Variants in E2F8 observed in about 807,000 individuals in gnomAD.
E2F8 encodes the protein transcription factor E2F8.
In E2F8, 35 loss-of-function variants were observed where a neutral mutation model predicts 80.8. The observed-to-expected ratio is 0.43, with a 90% CI of 0.33 to 0.57. E2F8 has a LOEUF of 0.57. Among genes scored for constraint, E2F8 ranks in the 20% least tolerant of loss-of-function variants. E2F8 has a pLI of 0.04. For missense variants in E2F8, 975 were observed against 1,056.2 expected (o/e 0.92, Z 1.07); for synonymous variants, 386 against 395.0 (o/e 0.98, Z 0.27).
intron 4 of E2F8, among the ~76,000 whole-genome samples, chr11:19,235,302 A>C (rs1276409221): frequency 6.6e-6 from 1 of 152,230 alleles, no homozygotes; most frequent in Non-Finnish European, 1.5e-5. Context: ...ACACAGCTTT[A>C]GGAAGTTTTC....
intron 7 of E2F8, among the ~76,000 whole-genome samples, chr11:19,231,854 T>C (rs1851391631): frequency 6.6e-6 from 1 of 152,220 alleles, no homozygotes; most frequent in Non-Finnish European, 1.5e-5. Flanking sequence ...TCTTGAATCA[T>C]CTTTTCAATC....
chr11:19,235,370 C>T (rs11025066), intron 4 of E2F8, among the ~76,000 whole-genome samples: 129,303 of 152,262 alleles, frequency 0.85, 56,418 homozygotes, highest in East Asian at 1. Flanking sequence ...TGAGAAAGGC[C>T]GGGTGCGGTG....
At position 19,227,386 on chromosome 11, in the gene E2F8, C is replaced by T. The variant is rs190556072; in HGVS notation, c.1894-1522G>A. The stretch of plus-strand genomic sequence containing the variant: ...GCGCTCTATTAGCTTTAGTTATATT[C>T]TCTCATGGTACAAATTATTCTGACT... On this transcript the variant is annotated intron_variant, in intron 10 of 12. Transcript: ENST00000250024. Among the ~76,000 whole-genome samples, 80 of 152,258 alleles carry T rather than the reference C, an allele frequency of 5.3e-4. 1 individual carries two copies. The highest frequency in any genetic ancestry group is 1.6e-3 in the Admixed American group (24 of 15,296).
rs764777969 is a variant in E2F8 at position 19,234,559 on chromosome 11, T to C, written c.767-38A>G. The C allele has an allele frequency of 1.1e-5, 17 of 1,603,798 alleles. No homozygotes were observed. In the East Asian group the frequency reaches 3.8e-4, roughly 36 times the overall value. ...ATGAGGATTAGAGAATTAAAATTCA[T>C]AAAGGGACAAGTGACTTCTAAAGTA... is the stretch of plus-strand genomic sequence containing the variant. On this transcript the variant is annotated intron_variant, in intron 5 of 12. Transcript: ENST00000250024.
intron 4 of E2F8, among the ~76,000 whole-genome samples, chr11:19,236,465 CCT>C (rs1188152776): frequency 2.6e-5 from 4 of 152,110 alleles, no homozygotes; most frequent in African/African-American, 9.7e-5. Flanking sequence ...GAGATTTTGC[CCT>C]TTTTGTTTAC....
At position 19,229,926 on chromosome 11, in the gene E2F8, G is replaced by A. The variant is rs772889714; in HGVS notation, c.1421C>T (p.Pro474Leu). 4 of 1,614,046 alleles carry A rather than the reference G, an allele frequency of 2.5e-6. No homozygotes were observed. The highest frequency in any genetic ancestry group is 3.4e-6 in the Non-Finnish European group (4 of 1,180,002). ...ARSGPCKPVA[P>L]LDPPVNAEME... ...CTCAGCATTCACTGGGGGGTCCAGA[G>A]GGGCTACTGGTTTGCAGGGTCCAGA... The change falls in exon 10 of 13, where the codon CCT becomes CTT. Residue 474 changes from proline to leucine, a missense_variant. Transcript: ENST00000250024. This position sits in a 1 kb window ranked among gnomAD's most constrained non-coding sequence, Gnocchi z 4.3.
At chr11:19,236,273 G>A (rs1036550663) in intron 4 of E2F8, among the ~76,000 whole-genome samples, 6 of 152,110 alleles carry the variant, frequency 3.9e-5, no homozygotes, top group African/African-American at 4.8e-5. Flanking sequence ...CCTTCTCAAC[G>A]AAGCCTGATC....
At chr11:19,226,544 C>A (rs1851241473) in intron 10 of E2F8, among the ~76,000 whole-genome samples, 1 of 152,220 alleles carries the variant, frequency 6.6e-6, no homozygotes, top group Non-Finnish European at 1.5e-5. Context: ...GGGGGCTAAA[C>A]TATTGGCCAT....
Position 19,237,430 on chromosome 11 carries a change from C to G in E2F8, c.335G>C (p.Ser112Thr). Residue 112 changes from serine (S) to threonine (T), a missense_variant, in exon 4 of 13, where the codon AGT becomes ACT. Physicochemically the swap from Ser to Thr is moderately conservative, Grantham distance 58. Coordinates refer to ENST00000250024, the MANE Select transcript of E2F8 (RefSeq NM_024680.4). ...TAATCCTAAACTTTTCTCTTTTCGA[C>G]TTGGTTGGGATTTCTCAAATTCATC... ...SGDEFEKSQP[S>T]RKEKSLGLLC... 4 of 1,614,090 alleles carry G rather than the reference C, an allele frequency of 2.5e-6. No individual in the cohort carries two copies. The highest frequency in any genetic ancestry group is 3.4e-6 in the Non-Finnish European group (4 of 1,179,984).
At chr11:19,228,156 C>T (rs1851283874) in intron 10 of E2F8, among the ~76,000 whole-genome samples, 1 of 152,136 alleles carries the variant, frequency 6.6e-6, no homozygotes, top group Admixed American at 6.5e-5. Flanking sequence ...AATCTATCCA[C>T]TGAAAATCCT....
chr11:19,238,177 T>A, intron 2 of E2F8, 45 bp from the exon 3 acceptor site: 1 of 1,549,422 alleles, frequency 6.5e-7, no homozygotes. Flanking sequence ...TAAAACAGGA[T>A]TTATCAGACA....
At chr11:19,236,560 T>C (rs1851524150) in intron 4 of E2F8, among the ~76,000 whole-genome samples, 1 of 152,224 alleles carries the variant, frequency 6.6e-6, no homozygotes, top group Non-Finnish European at 1.5e-5. Context: ...CCTACCCAGC[T>C]ACCATTAAGC....
Position 19,224,710 on chromosome 11 carries a change from G to T in E2F8, c.2552C>A (p.Thr851Asn). 1 of 1,614,210 alleles carries T rather than the reference G, an allele frequency of 6.2e-7. No individual in the cohort carries two copies. Among genetic ancestry groups the T allele is most frequent in the South Asian group, 1.1e-5 (1 of 91,084 alleles). ...FEGANKTSLG[T>N]LFVPQRKLEV... ...CAGTTTTCGCTGTGGGACAAAGAGA[G>T]TTCCTAAGGAGGTTTTATTAGCACC... The change falls in exon 13 of 13, where the codon ACT (threonine) becomes AAT (asparagine). Residue 851 changes from threonine (T) to asparagine (N), a missense_variant. Coordinates refer to ENST00000250024, the MANE Select transcript of E2F8 (RefSeq NM_024680.4).
chr11:19,231,660 G>A (rs1851386650), intron 7 of E2F8, among the ~76,000 whole-genome samples: 1 of 152,134 alleles, frequency 6.6e-6, no homozygotes, highest in Admixed American at 6.5e-5. Context: ...TATTCTCAAT[G>A]GGCACAGGTT....
chr11:19,225,387 G>C lies in E2F8; in HGVS notation c.2255C>G (p.Ala752Gly), dbSNP rs200748036. The change falls in exon 12 of 13, where the codon GCC (alanine) becomes GGC (glycine). Residue 752 changes from alanine to glycine, a missense_variant. By Grantham distance (60) the Ala-to-Gly change is moderately conservative. Transcript: ENST00000250024. The stretch of plus-strand genomic sequence containing the variant: ...AGGAACGATTCCAGACCCAGGGCTG[G>C]CAGACAACTGCACATTGGGTGAGAT... ...GLISPNVQLS[A>G]SPGSGIVPVS... 9 of 1,614,056 alleles carry C rather than the reference G, an allele frequency of 5.6e-6. No individual in the cohort carries two copies. The African/African-American group carries it at 1.1e-4, about 19-fold the overall frequency.
At chr11:19,241,448 C>T (rs1030996415), upstream of E2F8, 1 of 152,976 alleles carries the variant, frequency 6.5e-6, no homozygotes, top group Non-Finnish European at 1.5e-5. This position sits in a 1 kb window ranked among gnomAD's most constrained non-coding sequence, Gnocchi z 4.5. Context: ...GGGGCTGAGC[C>T]GGGACTCGTC....
intron 12 of E2F8, 52 bp downstream of exon 12, chr11:19,225,169 C>A (rs540227268): frequency 6.3e-7 from 1 of 1,575,886 alleles, no homozygotes; most frequent in Non-Finnish European, 8.6e-7. Context: ...GACACAGATA[C>A]TTGGGGCTTA....
intron 9 of E2F8, 105 bp downstream of exon 9, chr11:19,230,136 G>A (rs1397027693): frequency 2.7e-6 from 4 of 1,474,930 alleles, no homozygotes; most frequent in South Asian, 1.3e-5. Context: ...GAAAAGATTA[G>A]CTCTCCAGTT....
chr11:19,231,806 G>T (rs1851390124), intron 7 of E2F8, among the ~76,000 whole-genome samples: 1 of 152,198 alleles, frequency 6.6e-6, no homozygotes, highest in South Asian at 2.1e-4. Flanking sequence ...TTGGTTAGCT[G>T]ATGGAGCCAG....
Sources: gnomAD v4.1 joint callset for allele counts (sites outside exome capture counted in the v4.1 genomes callset) on GRCh38, gnomAD v4.1.1 for gene constraint, Gnocchi (gnomAD v3.1) non-coding constraint, MANE v1.5 for transcripts, NCBI Gene and HGNC (gene_info 2026-07-23, HGNC 2026-07-21) for gene names.